FGFR1: variants seen among roughly 807,000 people sequenced by gnomAD.
FGFR1 encodes fibroblast growth factor receptor 1.
Under a neutral mutation model 93.7 loss-of-function variants are expected in FGFR1, and 18 were observed. That is an observed-to-expected ratio of 0.19 (90% CI 0.13 to 0.28). FGFR1 has a LOEUF of 0.28. Ranked by LOEUF, FGFR1 falls within the 10% of genes least tolerant of loss-of-function variation. The pLI is 1.00. For missense variants in FGFR1, 731 were observed against 1,080.4 expected, an observed-to-expected ratio of 0.68 and a Z score of 4.53; for synonymous variants, 448 against 429.3, an observed-to-expected ratio of 1.04 and a Z score of -0.54.
intron 2 of FGFR1, 139 bp downstream of exon 2, chr8:38,457,217 T>C: frequency 2.2e-6 from 2 of 927,412 alleles, no homozygotes; most frequent in South Asian, 2.9e-5. Context: ...GAGTTTCTCC[T>C]ACAGGAAGGG....
At position 38,468,281 on chromosome 8, in the gene FGFR1, G is replaced by C. The variant is rs531187848; in HGVS notation, c.-389C>G. ...CCCTCCTCCAGAACGCAGCGGCGGC[G>C]CCTCACTTTCCTTGCAGACCGGGCT... On this transcript the variant is annotated 5_prime_UTR_variant, in exon 1 of 18. Coordinates refer to ENST00000447712, the MANE Select transcript of FGFR1 (RefSeq NM_023110.3). 2.4e-4 allele frequency: 54 copies of C among 228,524 alleles called. No individual in the cohort carries two copies. The highest frequency in any genetic ancestry group is 1.1e-3 in the African/African-American group (50 of 45,102). The allele number at this position is 228,524 out of a possible 1,614,324, so 14.2% of individuals were successfully genotyped here.
chr8:38,413,818 G>A lies in FGFR1; in HGVS notation c.2293-14C>T, dbSNP rs1257497712. The A allele has an allele frequency of 1.9e-6, 3 of 1,613,868 alleles. No individual in the cohort carries two copies. Among genetic ancestry groups the A allele is most frequent in the Non-Finnish European group, 2.5e-6 (3 of 1,179,918 alleles). ...GTCCAGGTACTCCTGTGATGGGCGAGAGGAAGCAGCGATGGGCCGGGCCCC... is the reference window on the plus strand; with the variant it reads ...GTCCAGGTACTCCTGTGATGGGCGAAAGGAAGCAGCGATGGGCCGGGCCCC... On this transcript the variant is annotated splice_polypyrimidine_tract_variant and intron_variant, in intron 17 of 17. Transcript: ENST00000447712. This position sits in a 1 kb window ranked among gnomAD's most constrained non-coding sequence, Gnocchi z 4.2.
At chr8:38,454,044 T>C (rs1831942194) in intron 2 of FGFR1, among the ~76,000 whole-genome samples, 1 of 152,190 alleles carries the variant, frequency 6.6e-6, no homozygotes, top group Admixed American at 6.5e-5. Context: ...AAAATGGTCA[T>C]TTAATGTCAG....
intron 7 of FGFR1, chr8:38,422,355 C>T (rs1226362972): frequency 4.8e-6 from 2 of 415,150 alleles, no homozygotes; most frequent in African/African-American, 2.0e-5. Flanking sequence ...CACACACGCA[C>T]ATGTGCATAC....
Position 38,424,779 on chromosome 8 carries a change from T to C in FGFR1, c.746-80A>G, listed in dbSNP as rs1371725097. On this transcript the variant is annotated intron_variant, in intron 6 of 17. Transcript: ENST00000447712. This position sits in a 1 kb window ranked among gnomAD's most constrained non-coding sequence, Gnocchi z 4.3. ...AGGGGTGGGCTCACCTGCGCCCCACTTGGCTTTCCCAGTGATGGGTTGTAA... is the reference window on the plus strand; with the variant it reads ...AGGGGTGGGCTCACCTGCGCCCCACCTGGCTTTCCCAGTGATGGGTTGTAA... 2 of 1,482,310 alleles carry C rather than the reference T, an allele frequency of 1.3e-6. No individual in the cohort carries two copies. Among genetic ancestry groups the C allele is most frequent in the Non-Finnish European group, 9.2e-7 (1 of 1,084,768 alleles). The allele number at this position is 1,482,310 out of a possible 1,614,324, so 91.8% of individuals were successfully genotyped here.
intron 2 of FGFR1, among the ~76,000 whole-genome samples, chr8:38,450,102 T>C (rs1830569873): frequency 6.6e-6 from 1 of 152,166 alleles, no homozygotes; most frequent in Non-Finnish European, 1.5e-5. Context: ...GGAAACAGTT[T>C]GGGATTTAGC....
intron 3 of FGFR1, chr8:38,428,643 T>TG (rs1821686643): frequency 1.7e-6 from 1 of 589,038 alleles, no homozygotes; most frequent in African/African-American, 1.9e-5. Flanking sequence ...CTGCCCCCAC[T>TG]GCCTGGAAGC....
At chr8:38,437,260 G>A (rs1032140675) in intron 2 of FGFR1, among the ~76,000 whole-genome samples, 4 of 152,170 alleles carry the variant, frequency 2.6e-5, no homozygotes, top group African/African-American at 7.2e-5. Context: ...ATCCAAGGAG[G>A]AGTCAGGGAA....
chr8:38,465,661 C>G (rs1034593165), intron 1 of FGFR1: 3 of 224,054 alleles, frequency 1.3e-5, no homozygotes, highest in Non-Finnish European at 2.7e-5. Flanking sequence ...CCTCGGTCAC[C>G]GAGAGGAAGG....
At chr8:38,451,400 G>A (rs1036121885) in intron 2 of FGFR1, among the ~76,000 whole-genome samples, 2 of 152,054 alleles carry the variant, frequency 1.3e-5, no homozygotes, top group East Asian at 3.9e-4. Context: ...TCTCCCTGCA[G>A]CCAGGCTGAA....
chr8:38,415,339 G>C (rs1816067869), intron 13 of FGFR1, among the ~76,000 whole-genome samples: 1 of 152,132 alleles, frequency 6.6e-6, no homozygotes, highest in Non-Finnish European at 1.5e-5. Flanking sequence ...TGTCGCCCCG[G>C]CTGGGGTGCA....
In FGFR1 at chr8:38,412,727, A is replaced by T. The variant is rs1814782874; in HGVS notation, c.*901T>A. The T allele has an allele frequency of 4.3e-6, 1 of 233,632 alleles. No individual in the cohort carries two copies. The highest frequency in any genetic ancestry group is 1.3e-3 in the Middle Eastern group (1 of 786). 14.5% of individuals were successfully genotyped at this position (233,632 alleles called of 1,614,324 possible). On this transcript the variant is annotated 3_prime_UTR_variant, in exon 18 of 18. Transcript: ENST00000447712. ...CACCCTTTTCATACAGCCCATAGATAAATGAAGCAGCAGCAATTTTTATTG... is the reference window on the plus strand; with the variant it reads ...CACCCTTTTCATACAGCCCATAGATTAATGAAGCAGCAGCAATTTTTATTG...
At chr8:38,423,596 C>G (rs1487230841) in intron 7 of FGFR1, 1 of 167,234 alleles carries the variant, frequency 6.0e-6, no homozygotes, top group Non-Finnish European at 1.3e-5. Context: ...TGAGCCACTG[C>G]GCCCGGCCTT....
intron 3 of FGFR1, chr8:38,428,661 C>T (rs1021989272): frequency 2.8e-5 from 16 of 566,634 alleles, no homozygotes; most frequent in Non-Finnish European, 4.8e-5. Context: ...AGCCTTCACA[C>T]TGGGTGGTTC....
intron 9 of FGFR1, among the ~76,000 whole-genome samples, chr8:38,418,917 T>A (rs189839036): frequency 1.3e-5 from 2 of 152,276 alleles, no homozygotes; most frequent in Admixed American, 1.3e-4. Flanking sequence ...AGGGACCTGG[T>A]AGGAGGTCAT....
intron 7 of FGFR1, chr8:38,423,227 C>A (rs1168767400): frequency 3.9e-6 from 3 of 768,574 alleles, no homozygotes; most frequent in Non-Finnish European, 7.3e-6. Flanking sequence ...GAGATGTGGC[C>A]ACGCACGTTG....
At chr8:38,467,702 G>A (rs1835853028) in intron 1 of FGFR1, 2 of 233,378 alleles carry the variant, frequency 8.6e-6, no homozygotes, top group Non-Finnish European at 1.7e-5. Context: ...GCCAGCTCCC[G>A]AGCGCGAGTT....
intron 2 of FGFR1, chr8:38,430,225 G>T: frequency 2.8e-6 from 1 of 355,878 alleles, no homozygotes; most frequent in Non-Finnish European, 4.7e-6. Context: ...AGCTGTAGCA[G>T]CATTAAGCGC....
At chr8:38,422,945 T>C in intron 7 of FGFR1, 1 of 743,988 alleles carries the variant, frequency 1.3e-6, no homozygotes. Context: ...GACAGTCCAG[T>C]ACTGGCTTCC....
Sources: gnomAD v4.1 joint callset for allele counts (sites outside exome capture counted in the v4.1 genomes callset) on GRCh38, gnomAD v4.1.1 for gene constraint, Gnocchi (gnomAD v3.1) non-coding constraint, MANE v1.5 for transcripts, NCBI Gene and HGNC (gene_info 2026-07-23, HGNC 2026-07-21) for gene names.